The following ANKRD36C variants were observed in gnomAD, a reference collection of about 807,000 sequenced individuals.
ANKRD36C encodes ankyrin repeat domain-containing protein 36C.
In ANKRD36C, 61 loss-of-function variants were observed where a neutral mutation model predicts 276.4. The observed-to-expected ratio is 0.22, with a 90% CI of 0.18 to 0.27. The LOEUF (loss-of-function observed/expected upper bound fraction) is 0.27, where lower values mean the gene tolerates loss of function less well. Ranked by LOEUF, ANKRD36C falls within the 10% of genes least tolerant of loss-of-function variation. ANKRD36C has a pLI of 1.00. For missense variants in ANKRD36C, 1,447 were observed against 2,032.3 expected, an observed-to-expected ratio of 0.71 and a Z score of 5.54; for synonymous variants, 483 against 680.1, an observed-to-expected ratio of 0.71 and a Z score of 4.51.
Position 95,927,184 on chromosome 2 carries a change from C to G in ANKRD36C, c.1939+30G>C, listed in dbSNP as rs775251201. The G allele has an allele frequency of 2.5e-6, 4 of 1,607,792 alleles. No homozygotes were observed. In the Admixed American group the frequency reaches 5.0e-5, roughly 20 times the overall value. ...GAAGTACTTTTCTATCTTGACTGAACATGACATTAAATGTGTTTTGCAAAA... is the reference window on the plus strand; with the variant it reads ...GAAGTACTTTTCTATCTTGACTGAAGATGACATTAAATGTGTTTTGCAAAA... On this transcript the variant is annotated intron_variant, in intron 28 of 66. Coordinates refer to ENST00000456556, the Ensembl canonical transcript of ANKRD36C.
chr2:95,892,489 G>C (rs1676401026), intron 44 of ANKRD36C, among the ~76,000 whole-genome samples: 2 of 151,396 alleles, frequency 1.3e-5, no homozygotes, highest in African/African-American at 4.8e-5. Context: ...CACTACTTTA[G>C]CCTTCCGAAA....
chr2:95,946,065 A>G lies in ANKRD36C; in HGVS notation c.1363-891T>C, dbSNP rs369095933. 1.8e-3 allele frequency among the ~76,000 whole-genome samples: 277 copies of G among 151,666 alleles called. 6 individuals carry two copies. The East Asian group carries it at 0.046, about 25-fold the overall frequency. On this transcript the variant is annotated intron_variant, in intron 17 of 66. Coordinates refer to ENST00000456556, the Ensembl canonical transcript of ANKRD36C. ...TAATAAAAAGTTTAATTTGTTTACT[A>G]TAAAATAACACATCCCAAGAATTAA... is the stretch of plus-strand genomic sequence containing the variant.
At chr2:95,946,156 G>GAAAAAAAAAAAAAAAAA (rs56964568) in intron 17 of ANKRD36C, among the ~76,000 whole-genome samples, 43 of 73,302 alleles carry the variant, frequency 5.9e-4, no homozygotes, top group Non-Finnish European at 8.7e-4. Context: ...ACAGAGAGAG[G>GAAAAAAAAAAAAAAAAA]AAAAAAAAAA....
intron 48 of ANKRD36C, 102 bp from the exon 69 acceptor site, chr2:95,888,222 T>C: frequency 2.6e-6 from 4 of 1,560,006 alleles, no homozygotes; most frequent in Non-Finnish European, 2.6e-6. Context: ...CCTGCCTGTA[T>C]TAGTATAGGC....
intron 60 of ANKRD36C, among the ~76,000 whole-genome samples, chr2:95,866,109 A>G (rs1675678634): frequency 1.3e-5 from 2 of 152,060 alleles, no homozygotes; most frequent in African/African-American, 4.8e-5. Context: ...TTGAATCCAT[A>G]CCTCACCTCA....
chr2:95,935,355 A>C lies in ANKRD36C; in HGVS notation c.1735+99T>G, dbSNP rs1677686028. The C allele has an allele frequency of 2.5e-6, 3 of 1,185,514 alleles. No homozygotes were observed. The Admixed American group carries it at 8.1e-5, about 32-fold the overall frequency. 73.4% of individuals were successfully genotyped at this position (1,185,514 alleles called of 1,614,324 possible). On this transcript the variant is annotated intron_variant, in intron 24 of 66. Transcript: ENST00000456556. ...AGCATCATTTAGATCAAATCCTTCT[A>C]TCTTACTGGGGTAAAAGAAGTAAGA...
At chr2:95,990,006 A>G (rs1679104637) in intron 1 of ANKRD36C, among the ~76,000 whole-genome samples, 1 of 152,072 alleles carries the variant, frequency 6.6e-6, no homozygotes, top group African/African-American at 2.4e-5. Flanking sequence ...GTATATACAC[A>G]TATTGTCTTT....
chr2:95,975,835 C>T (rs955532495), intron 6 of ANKRD36C, among the ~76,000 whole-genome samples: 3 of 152,102 alleles, frequency 2.0e-5, no homozygotes, highest in African/African-American at 7.2e-5. Flanking sequence ...TCAGAGTGAA[C>T]AGGCAACCTA....
Position 95,919,811 on chromosome 2 carries a change from T to C in ANKRD36C, c.2246-1769A>G. 1 of 1,467,546 alleles carries C rather than the reference T, an allele frequency of 6.8e-7. No individual in the cohort carries two copies. Among genetic ancestry groups the C allele is most frequent in the Non-Finnish European group, 9.2e-7 (1 of 1,091,628 alleles). 90.9% of individuals were successfully genotyped at this position (1,467,546 alleles called of 1,614,324 possible). On this transcript the variant is annotated intron_variant, in intron 34 of 66. Transcript: ENST00000456556. ...TCTTCCTCGTCAGTTGTAGCCTGAATGGAATTTGAAAGAAAATAATAAATA... is the reference window on the plus strand; with the variant it reads ...TCTTCCTCGTCAGTTGTAGCCTGAACGGAATTTGAAAGAAAATAATAAATA...
intron 6 of ANKRD36C, among the ~76,000 whole-genome samples, chr2:95,963,995 ATATATATATATATATATATGTGTGTG>A (rs1558658759): frequency 3.1e-5 from 1 of 31,960 alleles, no homozygotes. Context: ...ATATATATAT[ATATATATATATATATATATGTGTGTG>A]TGTGTCATGA....
intron 34 of ANKRD36C, 45 bp from the exon 37 acceptor site, chr2:95,918,087 T>C (rs1436510436): frequency 1.3e-6 from 2 of 1,586,614 alleles, no homozygotes; most frequent in African/African-American, 1.3e-5. Flanking sequence ...GTAAATATGA[T>C]AAAGTTATCC....
In ANKRD36C at chr2:95,910,532, T is replaced by C. The variant is rs1469174650; in HGVS notation, c.2653+1712A>G. The C allele has an allele frequency of 3.1e-6, 5 of 1,606,598 alleles. No homozygotes were observed. Among genetic ancestry groups the C allele is most frequent in the Non-Finnish European group, 4.2e-6 (5 of 1,176,872 alleles). ...ACTCGTTCACAATATAAATGAGAGT[T>C]TCATTACCTTCAAGGCTGGTGGTTT... On this transcript the variant is annotated intron_variant, in intron 42 of 66. Coordinates refer to ENST00000456556, the Ensembl canonical transcript of ANKRD36C.
chr2:95,945,020 T>C lies in ANKRD36C; in HGVS notation c.1423+94A>G, dbSNP rs376183764. ...CCACTGCACTCCAGCCTGGGCAACA[T>C]TGAGTAACACTCTGTCTACAAAAAA... is the stretch of plus-strand genomic sequence containing the variant. On this transcript the variant is annotated intron_variant, in intron 18 of 66. Transcript: ENST00000456556. 121 of 1,369,934 alleles carry C rather than the reference T, an allele frequency of 8.8e-5. No homozygotes were observed. In the East Asian group the frequency reaches 1.6e-3, roughly 18 times the overall value. 84.9% of individuals were successfully genotyped at this position (1,369,934 alleles called of 1,614,324 possible). A position where few individuals can be genotyped will look rare whatever the true frequency, so the allele number is the denominator to read the frequency against.
At chr2:95,884,493 T>C (rs1158481229) in intron 52 of ANKRD36C, 125 bp from the exon 73 acceptor site, 103 of 1,506,348 alleles carry the variant, frequency 6.8e-5, no homozygotes, top group Non-Finnish European at 9.2e-5. Flanking sequence ...TGATGTTTCC[T>C]ACTTTGTGTC....
chr2:95,962,065 C>T (rs974110532), intron 8 of ANKRD36C, among the ~76,000 whole-genome samples: 7 of 151,976 alleles, frequency 4.6e-5, no homozygotes, highest in South Asian at 2.1e-4. Flanking sequence ...TGGAAACATG[C>T]TGTAGAATTA....
intron 42 of ANKRD36C, among the ~76,000 whole-genome samples, chr2:95,910,039 C>T (rs1405914396): frequency 6.6e-6 from 1 of 151,246 alleles, no homozygotes. Context: ...TCTGTAAAAT[C>T]GATACTTCCT....
chr2:95,964,121 A>G (rs1403397207), intron 6 of ANKRD36C, among the ~76,000 whole-genome samples: 3 of 147,064 alleles, frequency 2.0e-5, no homozygotes, highest in African/African-American at 7.5e-5. Flanking sequence ...ATAATATACC[A>G]TAGGGGTCTC....
chr2:95,972,454 C>A (rs528657104), intron 6 of ANKRD36C, among the ~76,000 whole-genome samples: 1 of 152,266 alleles, frequency 6.6e-6, no homozygotes, highest in Non-Finnish European at 1.5e-5. Context: ...AGAGGGCTCC[C>A]GGAAGCTTGT....
intron 26 of ANKRD36C, 98 bp downstream of exon 26, chr2:95,928,974 C>T: frequency 1.3e-6 from 2 of 1,555,450 alleles, no homozygotes; most frequent in South Asian, 1.1e-5. Context: ...TGAATCAGAA[C>T]ATGCAGCTTA....
Sources: allele counts gnomAD v4.1 joint callset (sites outside exome capture counted in the v4.1 genomes callset), GRCh38; gene constraint gnomAD v4.1.1; transcripts MANE v1.5; gene names NCBI Gene and HGNC (gene_info 2026-07-23, HGNC 2026-07-21).